DCT: variants seen among roughly 807,000 people sequenced by gnomAD.
DCT encodes L-dopachrome tautomerase.
Under a neutral mutation model 53.0 loss-of-function variants are expected in DCT, and 47 were observed. That is an observed-to-expected ratio of 0.89 (90% CI 0.70 to 1.13). DCT has a LOEUF of 1.13. Ranked by LOEUF, DCT falls within the 50% of genes most tolerant of loss-of-function variation. DCT has a pLI of 0.00. For synonymous variants in DCT, 244 were observed against 237.0 expected (o/e 1.03, Z -0.27); for missense variants, 669 against 637.4 (o/e 1.05, Z -0.53).
chr13:94,478,152 C>T (rs890832688), intron 1 of DCT, among the ~76,000 whole-genome samples: 4 of 110,890 alleles, frequency 3.6e-5, no homozygotes, highest in African/African-American at 1.3e-4. Context: ...AACAACCCCC[C>T]GCCCGCCCCC....
chr13:94,546,671 T>A, the DCT span, among the ~76,000 whole-genome samples: 1 of 152,036 alleles, frequency 6.6e-6, no homozygotes, highest in Non-Finnish European at 1.5e-5. This position sits in a 1 kb window ranked among gnomAD's most constrained non-coding sequence, Gnocchi z 4.2. Flanking sequence ...GTTACACTGT[T>A]TCCCTAAAAC....
chr13:94,512,627 A>G, the DCT span, among the ~76,000 whole-genome samples: 1 of 152,194 alleles, frequency 6.6e-6, no homozygotes, highest in Non-Finnish European at 1.5e-5. Flanking sequence ...GAATGTTTCT[A>G]TTCAATCTTC....
the DCT span, among the ~76,000 whole-genome samples, chr13:94,493,551 A>C: frequency 1.1e-4 from 16 of 152,336 alleles, no homozygotes; most frequent in Middle Eastern, 3.4e-3. Context: ...AAATATGTGC[A>C]GTATATTATA....
chr13:94,507,583 C>A, the DCT span, among the ~76,000 whole-genome samples: 2 of 151,290 alleles, frequency 1.3e-5, no homozygotes, highest in African/African-American at 4.9e-5. Context: ...TCACTGCAAG[C>A]TCTGCCTCCT....
chr13:94,531,443 A>G, the DCT span, among the ~76,000 whole-genome samples: 1 of 152,152 alleles, frequency 6.6e-6, no homozygotes, highest in Non-Finnish European at 1.5e-5. Flanking sequence ...CAAAACAGAT[A>G]TATACACCAA....
chr13:94,473,806 A>C (rs951749155), intron 1 of DCT, among the ~76,000 whole-genome samples: 2 of 152,194 alleles, frequency 1.3e-5, no homozygotes, highest in African/African-American at 4.8e-5. Flanking sequence ...TCTGTTTTGG[A>C]GCCCATTTAT....
chr13:94,534,030 C>T, the DCT span, among the ~76,000 whole-genome samples: 2 of 152,068 alleles, frequency 1.3e-5, no homozygotes, highest in Non-Finnish European at 2.9e-5. Flanking sequence ...TGTGATGCAT[C>T]CTCCATGATT....
At chr13:94,508,448 TGTTAGCA>T in the DCT span, among the ~76,000 whole-genome samples, 1 of 152,178 alleles carries the variant, frequency 6.6e-6, no homozygotes, top group African/African-American at 2.4e-5. Flanking sequence ...CAGTTTACTC[TGTTAGCA>T]CTGGGGAAAG....
intron 3 of DCT, 24 bp from the exon 4 acceptor site, chr13:94,465,823 T>C: frequency 2.5e-6 from 4 of 1,600,502 alleles, no homozygotes; most frequent in Non-Finnish European, 3.4e-6. Context: ...GCAGGCCTAG[T>C]CATTTAATCC....
intron 4 of DCT, among the ~76,000 whole-genome samples, chr13:94,465,131 C>A (rs56730982): frequency 0.058 from 8,894 of 152,240 alleles, 874 homozygotes; most frequent in African/African-American, 0.2. Context: ...TACAGTACTT[C>A]CCACACTCAA....
Position 94,462,067 on chromosome 13 carries a change from A to G in DCT, c.986T>C (p.Leu329Pro), listed in dbSNP as rs751950305. ...LPTLKDIRDC[L>P]SLQKFDNPPF... ...AGGATTGTCAAACTTCTGGAGAGAC[A>G]GGCAATCTCGTATGTCTTTTAAGGT... Residue 329 changes from leucine (L) to proline (P), a missense_variant, in exon 5 of 8, where the codon CTG becomes CCG. By Grantham distance (98) the Leu-to-Pro change is moderately conservative. Coordinates refer to ENST00000377028, the MANE Select transcript of DCT (RefSeq NM_001922.5). 6.2e-7 allele frequency: 1 copy of G among 1,613,134 alleles called. No individual in the cohort carries two copies. Among genetic ancestry groups the G allele is most frequent in the Non-Finnish European group, 8.5e-7 (1 of 1,179,824 alleles).
At chr13:94,446,387 C>G (rs1882735882) in intron 6 of DCT, among the ~76,000 whole-genome samples, 1 of 152,156 alleles carries the variant, frequency 6.6e-6, no homozygotes, top group African/African-American at 2.4e-5. Context: ...GTGGGGCCTG[C>G]AAGCACCTCT....
the DCT span, among the ~76,000 whole-genome samples, chr13:94,496,981 CTCATAAATGT>C: frequency 6.6e-6 from 1 of 152,218 alleles, no homozygotes; most frequent in Non-Finnish European, 1.5e-5. Flanking sequence ...TAAATTGTGT[CTCATAAATGT>C]TCTTCAGTCG....
chr13:94,454,376 G>A (rs80238760), intron 6 of DCT, among the ~76,000 whole-genome samples: 4,789 of 152,220 alleles, frequency 0.031, 274 homozygotes, highest in African/African-American at 0.11. Context: ...TTACCACTAT[G>A]TAACACAGTT....
upstream of DCT, among the ~76,000 whole-genome samples, chr13:94,479,917 C>T (rs942202644): frequency 6.6e-5 from 10 of 152,166 alleles, no homozygotes. Flanking sequence ...AACTTGTGAC[C>T]TCAGACATCC....
the DCT span, among the ~76,000 whole-genome samples, chr13:94,491,654 G>A: frequency 2.0e-5 from 3 of 152,220 alleles, no homozygotes; most frequent in Non-Finnish European, 4.4e-5. Flanking sequence ...TAGAAGGAGA[G>A]TTGGTATGGG....
chr13:94,476,797 G>T (rs1885120300), intron 1 of DCT, among the ~76,000 whole-genome samples: 1 of 152,070 alleles, frequency 6.6e-6, no homozygotes, highest in Non-Finnish European at 1.5e-5. Flanking sequence ...AGAAATAATT[G>T]TTCTAGAAGT....
At chr13:94,484,563 T>C (rs906694875), upstream of DCT, among the ~76,000 whole-genome samples, 2 of 152,170 alleles carry the variant, frequency 1.3e-5, no homozygotes, top group Non-Finnish European at 2.9e-5. Context: ...TTTCCCACAG[T>C]TCCAGAGGCT....
chr13:94,497,681 T>G, the DCT span, among the ~76,000 whole-genome samples: 995 of 152,232 alleles, frequency 6.5e-3, 14 homozygotes, highest in African/African-American at 0.023. Flanking sequence ...CATCTTTGCA[T>G]TGAGTAGGCT....
Sources: gnomAD v4.1 joint callset for allele counts (sites outside exome capture counted in the v4.1 genomes callset) on GRCh38, gnomAD v4.1.1 for gene constraint, Gnocchi (gnomAD v3.1) non-coding constraint, MANE v1.5 for transcripts, NCBI Gene and HGNC (gene_info 2026-07-23, HGNC 2026-07-21) for gene names.